NFATC3: variants seen among roughly 807,000 people sequenced by gnomAD.
NFATC3 encodes the protein nuclear factor of activated T cells 3.
NFATC3 carries 46 observed loss-of-function variants against 98.6 expected under a neutral mutation model. The ratio of observed to expected loss-of-function variants is 0.47; its 90% CI spans 0.37 to 0.60. The LOEUF is 0.60. Ranked by LOEUF, NFATC3 falls within the 20% of genes least tolerant of loss-of-function variation. NFATC3 has a pLI of 0.00. For missense variants in NFATC3, 1,256 were observed against 1,295.5 expected (o/e 0.97, Z 0.47); for synonymous variants, 512 against 472.2 (o/e 1.08, Z -1.09).
chr16:68,217,976 C>G (rs2041701353), intron 9 of NFATC3: 4 of 1,206,922 alleles, frequency 3.3e-6, no homozygotes, highest in Non-Finnish European at 4.1e-6. Context: ...AATTAGCAGC[C>G]TACCATAGAT....
At position 68,085,633 on chromosome 16, in the gene NFATC3, TGCCGCCGCC is replaced by T; in HGVS notation, c.-42_-34del. ...AGGAGCTGCTGCCGCCGCTTGCCGC[TGCCGCCGCC>T]GCCGCCTGAGGAGGAGCTGCAGCAC... On this transcript the variant is annotated 5_prime_UTR_variant, in exon 1 of 10. Transcript: ENST00000346183. 6.9e-7 allele frequency: 1 copy of T among 1,449,284 alleles called. No individual in the cohort carries two copies. The highest frequency in any genetic ancestry group is 9.1e-7 in the Non-Finnish European group (1 of 1,094,774). 89.8% of individuals were successfully genotyped at this position (1,449,284 alleles called of 1,614,324 possible). A position where few individuals can be genotyped will look rare whatever the true frequency, so the allele number is the denominator to read the frequency against.
intron 1 of NFATC3, among the ~76,000 whole-genome samples, chr16:68,093,836 T>C (rs1022789475): frequency 3.9e-5 from 6 of 152,178 alleles, no homozygotes; most frequent in African/African-American, 1.4e-4. Flanking sequence ...CTTGCTATTC[T>C]CAGAAAGAGT....
intron 4 of NFATC3, among the ~76,000 whole-genome samples, chr16:68,159,061 G>A (rs1032370407): frequency 4.6e-5 from 7 of 152,120 alleles, no homozygotes; most frequent in Non-Finnish European, 7.4e-5. Flanking sequence ...GCGAAACCTT[G>A]TCTCTACTAA....
chr16:68,139,600 C>A (rs1323103926), intron 3 of NFATC3, among the ~76,000 whole-genome samples: 5 of 152,174 alleles, frequency 3.3e-5, no homozygotes, highest in Non-Finnish European at 7.4e-5. Context: ...TAAGAAATTT[C>A]TGAAATACAT....
chr16:68,214,770 T>A (rs1371551377), intron 9 of NFATC3, among the ~76,000 whole-genome samples: 1 of 152,244 alleles, frequency 6.6e-6, no homozygotes, highest in Non-Finnish European at 1.5e-5. Flanking sequence ...TATGTAAGCC[T>A]ACTCATTCCT....
chr16:68,199,219 T>TTTTTTA (rs1567546265), intron 9 of NFATC3, among the ~76,000 whole-genome samples: 23 of 150,954 alleles, frequency 1.5e-4, no homozygotes, highest in Admixed American at 7.9e-4. Context: ...CTGTTTATTT[T>TTTTTTA]TTTTTTATTT....
chr16:68,102,374 GAAAAAAAA>G (rs71268472), intron 1 of NFATC3, among the ~76,000 whole-genome samples: 4 of 30,894 alleles, frequency 1.3e-4, no homozygotes, highest in South Asian at 1.3e-3. Flanking sequence ...TCCATCTCAG[GAAAAAAAA>G]AAAAAAAAAA....
rs529046403 is a variant in NFATC3 at position 68,102,091 on chromosome 16, AC to A, written c.103+16309del. Among the ~76,000 whole-genome samples, 1,232 of 152,146 alleles carry A rather than the reference AC, an allele frequency of 8.1e-3. 11 individuals carry two copies. The highest frequency in any genetic ancestry group is 9.8e-3 in the Non-Finnish European group (665 of 67,998). ...TGACCTTATATATTTAAAGGTCTTC[AC>A]CAGGCGCAGTGGCTCACGCCTGTAA... On this transcript the variant is annotated intron_variant, in intron 1 of 9. Coordinates refer to ENST00000346183, the MANE Select transcript of NFATC3 (RefSeq NM_173165.3).
rs1333986859 is a variant in NFATC3, at chr16:68,181,471, A to C, written c.1916-4A>C. 6.2e-7 allele frequency: 1 copy of C among 1,610,038 alleles called. No homozygotes were observed. Among genetic ancestry groups the C allele is most frequent in the African/African-American group, 1.3e-5 (1 of 74,782 alleles). Reference sequence around the variant, plus strand: ...TTTTAACTATAAACTCTTTCTTTCAATAGATGGACGACCTCAGTGGGAGGT... The same window carrying C: ...TTTTAACTATAAACTCTTTCTTTCACTAGATGGACGACCTCAGTGGGAGGT... On this transcript the variant is annotated splice_polypyrimidine_tract_variant and splice_region_variant and intron_variant, in intron 6 of 9. Coordinates refer to ENST00000346183, the MANE Select transcript of NFATC3 (RefSeq NM_173165.3).
At chr16:68,092,766 A>T (rs974838800) in intron 1 of NFATC3, among the ~76,000 whole-genome samples, 1 of 152,150 alleles carries the variant, frequency 6.6e-6, no homozygotes, top group East Asian at 1.9e-4. Context: ...AGTTGTTCTT[A>T]TTATTCAAAC....
chr16:68,131,723 A>C (rs565497020), intron 3 of NFATC3, among the ~76,000 whole-genome samples: 1 of 151,918 alleles, frequency 6.6e-6, no homozygotes, highest in South Asian at 2.1e-4. Flanking sequence ...CCTGGAGTCA[A>C]GCATTCGTCT....
chr16:68,140,705 G>T (rs2037707940), intron 3 of NFATC3, among the ~76,000 whole-genome samples: 1 of 152,014 alleles, frequency 6.6e-6, no homozygotes, highest in Non-Finnish European at 1.5e-5. Flanking sequence ...TAAAAAAAAG[G>T]AGTATTTTAG....
chr16:68,223,899 A>G (rs2041952582), intron 9 of NFATC3, among the ~76,000 whole-genome samples: 1 of 150,964 alleles, frequency 6.6e-6, no homozygotes, highest in African/African-American at 2.4e-5. Context: ...CATCTCAAAA[A>G]AAAAAAAAAA....
At position 68,218,718 on chromosome 16, in the gene NFATC3, G is replaced by T. The variant is rs1338821779; in HGVS notation, c.3107-7632G>T. Among the ~76,000 whole-genome samples the T allele has an allele frequency of 2.0e-5, 3 of 150,666 alleles. No individual in the cohort carries two copies. In the East Asian group the frequency reaches 6.2e-4, roughly 31 times the overall value. On this transcript the variant is annotated intron_variant, in intron 9 of 9. Transcript: ENST00000346183. ...CTCCTGAGTAGCTGGGACTACAGGTGCCTGCCGCCACGCCCAGCTAATTTT... is the reference window on the plus strand; with the variant it reads ...CTCCTGAGTAGCTGGGACTACAGGTTCCTGCCGCCACGCCCAGCTAATTTT...
chr16:68,115,012 C>T (rs1033653470), intron 1 of NFATC3, among the ~76,000 whole-genome samples: 3 of 152,146 alleles, frequency 2.0e-5, no homozygotes, highest in African/African-American at 7.2e-5. Flanking sequence ...GAACATATTT[C>T]CGTGGTTTCT....
chr16:68,180,542 G>A (rs1191588461), intron 6 of NFATC3, among the ~76,000 whole-genome samples: 1 of 151,966 alleles, frequency 6.6e-6, no homozygotes, highest in African/African-American at 2.4e-5. Flanking sequence ...GGGTACATAT[G>A]CACAACTTGC....
In NFATC3 at chr16:68,122,167, C is replaced by A; in HGVS notation, c.284C>A (p.Ser95Tyr). The A allele has an allele frequency of 6.2e-7, 1 of 1,614,128 alleles. No individual in the cohort carries two copies. The highest frequency in any genetic ancestry group is 2.2e-5 in the East Asian group (1 of 44,884). Reference sequence around the variant, plus strand: ...GAAGGAACTTGTGAGATTCCTGAATCTAAATATAGCCCATTAGGTGGTCCC... The same window carrying A: ...GAAGGAACTTGTGAGATTCCTGAATATAAATATAGCCCATTAGGTGGTCCC... ...NYEGTCEIPE[S>Y]KYSPLGGPKP... The change falls in exon 2 of 10, where the codon TCT becomes TAT. Residue 95 changes from serine to tyrosine, a missense_variant. Coordinates refer to ENST00000346183, the MANE Select transcript of NFATC3 (RefSeq NM_173165.3).
chr16:68,175,386 A>AG (rs1271375649), intron 6 of NFATC3, among the ~76,000 whole-genome samples: 2 of 152,168 alleles, frequency 1.3e-5, no homozygotes, highest in Non-Finnish European at 2.9e-5. Flanking sequence ...CAACCCTCTG[A>AG]GTAGTATACT....
Position 68,204,102 on chromosome 16 carries a change from C to A in NFATC3, c.3106+12327C>A, listed in dbSNP as rs528569708. 3.3e-5 allele frequency among the ~76,000 whole-genome samples: 5 copies of A among 152,164 alleles called. No homozygotes were observed. In the East Asian group the frequency reaches 9.7e-4, roughly 29 times the overall value. On this transcript the variant is annotated intron_variant, in intron 9 of 9. Coordinates refer to ENST00000346183, the MANE Select transcript of NFATC3 (RefSeq NM_173165.3). ...ACTTGGGAGGCTAAGGCAGGAGAAT[C>A]GTTTGAACCTGGGAGGCAGAGGTTG...
Sources: gnomAD v4.1 joint callset for allele counts (sites outside exome capture counted in the v4.1 genomes callset) on GRCh38, gnomAD v4.1.1 for gene constraint, MANE v1.5 for transcripts, NCBI Gene and HGNC (gene_info 2026-07-23, HGNC 2026-07-21) for gene names.